The following ADPRHL1 variants were observed in gnomAD, a reference collection of about 807,000 sequenced individuals.
ADPRHL1 encodes the protein inactive ADP-ribosyltransferase ARH2.
A neutral mutation model predicts 44.1 loss-of-function variants in ADPRHL1; 43 were observed. The observed-to-expected ratio is 0.98, with a 90% confidence interval of 0.76 to 1.26. ADPRHL1 has a LOEUF of 1.26. Ranked by LOEUF, ADPRHL1 falls within the 50% of genes most tolerant of loss-of-function variation. ADPRHL1 has a pLI of 0.00. For missense variants in ADPRHL1, 2,022 were observed against 2,496.9 expected (o/e 0.81, Z 4.05); for synonymous variants, 878 against 1,017.4 (o/e 0.86, Z 2.61).
chr13:113,412,195 T>G (rs560602044), intron 7 of ADPRHL1, among the ~76,000 whole-genome samples: 61 of 152,298 alleles, frequency 4.0e-4, no homozygotes, highest in East Asian at 7.7e-4. Flanking sequence ...GCTTTTTTTT[T>G]GGGACGGAGT....
At position 113,407,118 on chromosome 13, in the gene ADPRHL1, G is replaced by A; in HGVS notation, c.2164C>T (p.Pro722Ser). ...GCCGGTCCCAGTGGGGATGATGCAG[G>A]CACAAGGCCAGGAAGGACTCCACCT... ...CTGGVLPGLV[P>S]ASSPLGPASP... is the part of the protein sequence containing the mutation. Residue 722 changes from proline (P) to serine (S), a missense_variant, in exon 8 of 8, where the codon CCT becomes TCT. Physicochemically the swap from Pro to Ser is moderately conservative, Grantham distance 74 (BLOSUM62 -1). Coordinates refer to ENST00000612156, the MANE Select transcript of ADPRHL1 (RefSeq NM_001394807.1). 1 of 1,232,306 alleles carries A rather than the reference G, an allele frequency of 8.1e-7. No homozygotes were observed. The highest frequency in any genetic ancestry group is 1.0e-6 in the Non-Finnish European group (1 of 988,084). 76.3% of individuals were successfully genotyped at this position (1,232,306 alleles called of 1,614,324 possible).
intron 7 of ADPRHL1, among the ~76,000 whole-genome samples, chr13:113,408,866 A>AGGAGGGGGCTGCAGAGAGGAG (rs1463649962): frequency 1.9e-4 from 18 of 94,942 alleles, no homozygotes; most frequent in Middle Eastern, 5.5e-3. Context: ...GCAGAGAGGA[A>AGGAGGGGGCTGCAGAGAGGAG]GGGAGGAGGG....
In ADPRHL1 at chr13:113,407,512, C is replaced by T. The variant is rs2043817778; in HGVS notation, c.1770G>A (p.Val590=). The T allele has an allele frequency of 2.4e-6, 3 of 1,232,114 alleles. No individual in the cohort carries two copies. Among genetic ancestry groups the T allele is most frequent in the Non-Finnish European group, 3.0e-6 (3 of 988,096 alleles). 76.3% of individuals were successfully genotyped at this position (1,232,114 alleles called of 1,614,324 possible). The change falls in exon 8 of 8, where the codon GTG becomes GTA. Residue 590 remains valine (V), a synonymous_variant. Transcript: ENST00000612156. The part of the protein sequence containing the change: ...LQRKRMHRPE[V]RVLHTATMAS... ...CCATGGTGGCCGTGTGCAGCACGCG[C>T]ACCTCCGGCCGGTGCATCCTCTTCC...
Position 113,453,189 on chromosome 13 carries a change from A to C in ADPRHL1, c.214+35T>G. The C allele has an allele frequency of 6.2e-7, 1 of 1,610,626 alleles. No individual in the cohort carries two copies. Among genetic ancestry groups the C allele is most frequent in the Non-Finnish European group, 8.5e-7 (1 of 1,177,432 alleles). On this transcript the variant is annotated intron_variant, in intron 1 of 7. Coordinates refer to ENST00000612156, the MANE Select transcript of ADPRHL1 (RefSeq NM_001394807.1). The surrounding 1 kb of genome is among the most constrained non-coding windows in gnomAD (Gnocchi z 5.4). ...AACTCGAGCAGCCAGTGTTCCCTCCAGCCCGCACACCGGAGCGCGGTGGGC... is the reference window on the plus strand; with the variant it reads ...AACTCGAGCAGCCAGTGTTCCCTCCCGCCCGCACACCGGAGCGCGGTGGGC...
At chr13:113,424,728 C>T (rs1415212228) in intron 5 of ADPRHL1, among the ~76,000 whole-genome samples, 2 of 139,944 alleles carry the variant, frequency 1.4e-5, no homozygotes, top group Admixed American at 7.1e-5. Flanking sequence ...ATTTACCTAC[C>T]CATCCATTCA....
chr13:113,422,970 G>GC lies in ADPRHL1; in HGVS notation c.916dup (p.Ala306GlyfsTer58). On this transcript the variant is annotated frameshift_variant, in exon 7 of 8. Transcript: ENST00000612156. LOFTEE classifies it high-confidence loss of function. ...GCAGCCTGCAATGGTGCCCGTGGCC[G>GC]CGCTCTCCCCTGAAACGCAAAGGCA... 1 of 1,612,818 alleles carries GC rather than the reference G, an allele frequency of 6.2e-7. No homozygotes were observed. Among genetic ancestry groups the GC allele is most frequent in the Non-Finnish European group, 8.5e-7 (1 of 1,179,964 alleles).
rs1182614649 is a variant in ADPRHL1 at position 113,428,996 on chromosome 13, G to C, written c.602C>G (p.Pro201Arg). 1.9e-6 allele frequency: 3 copies of C among 1,612,848 alleles called. No individual in the cohort carries two copies. The highest frequency in any genetic ancestry group is 1.3e-5 in the African/African-American group (1 of 75,066). Residue 201 changes from proline to arginine, a missense_variant, in exon 4 of 8, where the codon CCT becomes CGT. Around this residue, in one of 8 missense-constraint regions of ADPRHL1, gnomAD observed 437 missense variants for 430.7 expected, o/e 1.01. Coordinates refer to ENST00000612156, the MANE Select transcript of ADPRHL1 (RefSeq NM_001394807.1). The part of the protein sequence containing the change: ...QWGRDMLRAV[P>R]LAEEYCRKTI... ...CTTCCTGCAGTACTCTTCTGCCAGAGGCACCGCCCGCAGCATGTCTCTCCC... is the reference window on the plus strand; with the variant it reads ...CTTCCTGCAGTACTCTTCTGCCAGACGCACCGCCCGCAGCATGTCTCTCCC...
In ADPRHL1 at chr13:113,399,980, T is replaced by C. The variant is rs1247794677; in HGVS notation, c.*3398A>G. 1 of 151,594 alleles carries C rather than the reference T, an allele frequency of 6.6e-6. No individual in the cohort carries two copies. Among genetic ancestry groups the C allele is most frequent in the East Asian group, 1.9e-4 (1 of 5,176 alleles). The allele number at this position is 151,594 out of a possible 1,614,324, so 9.4% of individuals were successfully genotyped here. ...TGCACCGCCTCCCGCCCGGCTGTTG[T>C]CACTTGCACCCACAGACCTGCGGCT... On this transcript the variant is annotated 3_prime_UTR_variant, in exon 8 of 8. Transcript: ENST00000612156.
In ADPRHL1 at chr13:113,430,233, G is replaced by A. The variant is rs80008092; in HGVS notation, c.506-1141C>T. On this transcript the variant is annotated intron_variant, in intron 3 of 7. Coordinates refer to ENST00000612156, the MANE Select transcript of ADPRHL1 (RefSeq NM_001394807.1). The stretch of plus-strand genomic sequence containing the variant: ...CTCGGAAGAGACTGATCTGAATTAC[G>A]ATGATCCTGGCCATAATGAGGCTAA... Among the ~76,000 whole-genome samples the A allele has an allele frequency of 1.2e-4, 19 of 152,322 alleles. No individual in the cohort carries two copies. The East Asian group carries it at 1.7e-3, about 14-fold the overall frequency.
At chr13:113,430,684 G>A (rs2044000359) in intron 3 of ADPRHL1, among the ~76,000 whole-genome samples, 1 of 152,136 alleles carries the variant, frequency 6.6e-6, no homozygotes, top group Non-Finnish European at 1.5e-5. Context: ...GGTGACAAAA[G>A]CGGAGCAGTG....
intron 6 of ADPRHL1, among the ~76,000 whole-genome samples, 192 bp downstream of exon 6, chr13:113,424,025 C>T (rs962376208): frequency 5.3e-5 from 8 of 152,214 alleles, no homozygotes; most frequent in Admixed American, 4.6e-4. Context: ...CACATGAGCA[C>T]GCTTAGGTCA....
At position 113,406,440 on chromosome 13, in the gene ADPRHL1, GTC is replaced by G; in HGVS notation, c.2840_2841del (p.Arg947ThrfsTer16). On this transcript the variant is annotated frameshift_variant, in exon 8 of 8. Coordinates refer to ENST00000612156, the MANE Select transcript of ADPRHL1 (RefSeq NM_001394807.1). LOFTEE classifies it low-confidence loss of function (END_TRUNC). ...TTCCCGCCAGCAGGATCTGTCTGGA[GTC>G]TCTGTGTCAGAAGTGTCTCTGGGAC... is the stretch of plus-strand genomic sequence containing the variant. ...HSVPETLLTQRLQTDPAGGKE... is the reference protein window; with the variant it reads ...HSVPETLLTQXLQTDPAGGKE... 8.1e-7 allele frequency: 1 copy of G among 1,232,080 alleles called. No homozygotes were observed. Among genetic ancestry groups the G allele is most frequent in the Non-Finnish European group, 1.0e-6 (1 of 987,986 alleles). 76.3% of individuals were successfully genotyped at this position (1,232,080 alleles called of 1,614,324 possible). A position where few individuals can be genotyped will look rare whatever the true frequency, so the allele number is the denominator to read the frequency against.
Position 113,404,753 on chromosome 13 carries a change from C to A in ADPRHL1, c.4529G>T (p.Trp1510Leu). 1 of 1,273,810 alleles carries A rather than the reference C, an allele frequency of 7.9e-7. No individual in the cohort carries two copies. Among genetic ancestry groups the A allele is most frequent in the South Asian group, 3.0e-5 (1 of 32,934 alleles). 78.9% of individuals were successfully genotyped at this position (1,273,810 alleles called of 1,614,324 possible). ...VQGHAQEQAQWQTQIEAQGQA... is the reference protein window; with the variant it reads ...VQGHAQEQAQLQTQIEAQGQA... Reference sequence around the variant, plus strand: ...CCCCTGGGCCTCTATCTGGGTCTGCCACTGGGCCTGTTCTTGAGCGTGTCC... The same window carrying A: ...CCCCTGGGCCTCTATCTGGGTCTGCAACTGGGCCTGTTCTTGAGCGTGTCC... Residue 1510 changes from tryptophan (W) to leucine (L), a missense_variant, in exon 8 of 8, where the codon TGG (tryptophan) becomes TTG (leucine). By Grantham distance (61) the Trp-to-Leu change is moderately conservative. Coordinates refer to ENST00000612156, the MANE Select transcript of ADPRHL1 (RefSeq NM_001394807.1).
At position 113,426,654 on chromosome 13, in the gene ADPRHL1, G is replaced by C. The variant is rs1223558711; in HGVS notation, c.647-1475C>G. On this transcript the variant is annotated intron_variant, in intron 4 of 7. Transcript: ENST00000612156. ...CACAAGGAAAAGTCCAGCCCCCTTA[G>C]GGTCTTGTTCAGCGACATGAAATTG... Among the ~76,000 whole-genome samples the C allele has an allele frequency of 2.6e-5, 4 of 152,222 alleles. No individual in the cohort carries two copies. In the East Asian group the frequency reaches 7.7e-4, roughly 29 times the overall value.
At chr13:113,433,651 C>T (rs1431662676) in intron 3 of ADPRHL1, 91 bp downstream of exon 3, 1 of 1,422,174 alleles carries the variant, frequency 7.0e-7, no homozygotes, top group Non-Finnish European at 9.3e-7. Flanking sequence ...CAGGCCCCCG[C>T]CCCCCACCCC....
intron 2 of ADPRHL1, among the ~76,000 whole-genome samples, chr13:113,439,524 T>C (rs1028796197): frequency 6.6e-5 from 10 of 151,710 alleles, no homozygotes; most frequent in Non-Finnish European, 8.8e-5. Context: ...CTCGGCTCAC[T>C]GCAACATCCA....
chr13:113,451,147 A>G (rs997613573), intron 1 of ADPRHL1, among the ~76,000 whole-genome samples: 2 of 152,122 alleles, frequency 1.3e-5, no homozygotes, highest in Non-Finnish European at 2.9e-5. Flanking sequence ...ACACCTCACT[A>G]TGTCCCCTCA....
rs186721067 is a variant in ADPRHL1, at chr13:113,441,853, G to T, written c.379+2572C>A. Among the ~76,000 whole-genome samples the T allele has an allele frequency of 4.1e-3, 619 of 152,164 alleles. 1 individual carries two copies. Among genetic ancestry groups the T allele is most frequent in the African/African-American group, 0.014 (596 of 41,504 alleles). ...CTGTCACGTTGTGTCCCGCCGCGTG[G>T]GTCCGTGTCACTATCACACTCTGTC... On this transcript the variant is annotated intron_variant, in intron 2 of 7. Coordinates refer to ENST00000612156, the MANE Select transcript of ADPRHL1 (RefSeq NM_001394807.1). The surrounding 1 kb of genome is among the most constrained non-coding windows in gnomAD (Gnocchi z 6.0).
At chr13:113,417,024 T>C (rs992627641) in intron 7 of ADPRHL1, among the ~76,000 whole-genome samples, 5 of 152,226 alleles carry the variant, frequency 3.3e-5, no homozygotes, top group South Asian at 2.1e-4. Flanking sequence ...TGAAACAAAC[T>C]TAAAAGTGAA....
Sources: gnomAD v4.1 joint callset for allele counts (sites outside exome capture counted in the v4.1 genomes callset) on GRCh38, gnomAD v4.1.1 for gene constraint, gnomAD v4.1.1 regional missense constraint, Gnocchi (gnomAD v3.1) non-coding constraint, MANE v1.5 for transcripts, NCBI Gene and HGNC (gene_info 2026-07-23, HGNC 2026-07-21) for gene names.